The following CNTN4 variants were observed in gnomAD, a reference collection of about 807,000 sequenced individuals.
CNTN4 encodes the protein contactin-4.
CNTN4 carries 77 observed loss-of-function variants against 122.5 expected under a neutral mutation model. That is an observed-to-expected ratio of 0.63 (90% CI 0.52 to 0.76). The LOEUF is 0.76. Among genes scored for constraint, CNTN4 ranks in the 30% least tolerant of loss-of-function variants. CNTN4 has a pLI of 0.00. For synonymous variants in CNTN4, 512 were observed against 447.0 expected (o/e 1.15, Z -1.83); for missense variants, 1,256 against 1,259.1 (o/e 1.00, Z 0.04).
intron 2 of CNTN4, among the ~76,000 whole-genome samples, chr3:2,251,873 TC>T (rs1206109102): frequency 2.0e-5 from 3 of 151,944 alleles, no homozygotes; most frequent in African/African-American, 7.2e-5. Context: ...AAGGCTGTTT[TC>T]CCATTTCAAT....
At chr3:3,055,990 G>A in intron 24 of CNTN4, 130 bp from the exon 25 acceptor site, 1 of 651,922 alleles carries the variant, frequency 1.5e-6, no homozygotes, top group Admixed American at 2.6e-5. Flanking sequence ...ATATTTAAAA[G>A]CCATTAAGAC....
At chr3:2,230,945 G>A (rs2039462054) in intron 2 of CNTN4, among the ~76,000 whole-genome samples, 1 of 152,042 alleles carries the variant, frequency 6.6e-6, no homozygotes, top group South Asian at 2.1e-4. Context: ...CCATGATCAT[G>A]CCACTGCACT....
intron 2 of CNTN4, among the ~76,000 whole-genome samples, chr3:2,292,943 A>G (rs2042186612): frequency 1.3e-5 from 2 of 152,250 alleles, no homozygotes; most frequent in Non-Finnish European, 2.9e-5. Flanking sequence ...TAGGTTAAGT[A>G]TATGCACATA....
At chr3:2,300,990 T>A (rs2042495534) in intron 2 of CNTN4, among the ~76,000 whole-genome samples, 1 of 152,190 alleles carries the variant, frequency 6.6e-6, no homozygotes. Context: ...GACAGCTTAG[T>A]AAATGATCCT....
chr3:2,620,008 T>A (rs947238602), intron 4 of CNTN4, among the ~76,000 whole-genome samples: 2 of 3,182 alleles, frequency 6.3e-4, no homozygotes, highest in Admixed American at 4.5e-3. Flanking sequence ...TTCAAATATG[T>A]ACCCAAGTAG....
rs535347277 is a variant in CNTN4, at chr3:2,159,554, C to A, written c.-145+58915C>A. On this transcript the variant is annotated intron_variant, in intron 2 of 24. Coordinates refer to ENST00000418658, the MANE Select transcript of CNTN4 (RefSeq NM_175607.3). ...TTGAGACAGTTGCCATGAAAGGTATCTCATTTTCCTGCCCTGGAGATTTTA... is the reference window on the plus strand; with the variant it reads ...TTGAGACAGTTGCCATGAAAGGTATATCATTTTCCTGCCCTGGAGATTTTA... Among the ~76,000 whole-genome samples, 5 of 152,248 alleles carry A rather than the reference C, an allele frequency of 3.3e-5. No individual in the cohort carries two copies. In the South Asian group the frequency reaches 1.0e-3, roughly 32 times the overall value.
chr3:3,017,746 G>T (rs939213416), intron 14 of CNTN4, among the ~76,000 whole-genome samples: 3 of 152,268 alleles, frequency 2.0e-5, no homozygotes, highest in East Asian at 3.9e-4. Context: ...AGGGAGAAGT[G>T]GGTGCTCACG....
At chr3:2,710,483 T>C (rs2087074185) in intron 4 of CNTN4, among the ~76,000 whole-genome samples, 1 of 152,228 alleles carries the variant, frequency 6.6e-6, no homozygotes, top group Non-Finnish European at 1.5e-5. Context: ...TGTGTAGTTA[T>C]AACCTGGTCT....
At chr3:2,422,036 TGGA>T (rs2047637704) in intron 3 of CNTN4, among the ~76,000 whole-genome samples, 2 of 152,198 alleles carry the variant, frequency 1.3e-5, no homozygotes, top group African/African-American at 4.8e-5. Flanking sequence ...TTAGCTTTTA[TGGA>T]TAAGTTTATC....
intron 4 of CNTN4, among the ~76,000 whole-genome samples, chr3:2,647,002 G>A (rs1439781762): frequency 1.3e-5 from 2 of 152,172 alleles, no homozygotes; most frequent in African/African-American, 4.8e-5. Flanking sequence ...TGCCAAGGTT[G>A]AATTTCCCTT....
chr3:2,197,584 A>G (rs184856017), intron 2 of CNTN4, among the ~76,000 whole-genome samples: 11 of 152,320 alleles, frequency 7.2e-5, no homozygotes, highest in African/African-American at 1.9e-4. Context: ...ATGTTAAAAT[A>G]TCTCATCAAT....
intron 13 of CNTN4, among the ~76,000 whole-genome samples, chr3:2,933,974 A>G (rs1196360242): frequency 6.6e-6 from 1 of 152,076 alleles, no homozygotes; most frequent in Non-Finnish European, 1.5e-5. Flanking sequence ...TTTGAAGGAG[A>G]CTCAAAGAGG....
intron 2 of CNTN4, among the ~76,000 whole-genome samples, chr3:2,299,503 A>G (rs751994262): frequency 3.3e-5 from 5 of 152,126 alleles, no homozygotes; most frequent in Non-Finnish European, 5.9e-5. Context: ...AGTCCATTAT[A>G]TCACACTGTC....
At chr3:2,209,539 T>G (rs1044740179) in intron 2 of CNTN4, among the ~76,000 whole-genome samples, 3 of 152,070 alleles carry the variant, frequency 2.0e-5, no homozygotes, top group Non-Finnish European at 4.4e-5. Flanking sequence ...AAGGTCCCTG[T>G]TTTTTAAGCA....
At chr3:2,223,342 C>G (rs1007281083) in intron 2 of CNTN4, among the ~76,000 whole-genome samples, 1 of 152,164 alleles carries the variant, frequency 6.6e-6, no homozygotes, top group African/African-American at 2.4e-5. Flanking sequence ...TCCTAGGCAT[C>G]CCTCCATATA....
intron 3 of CNTN4, among the ~76,000 whole-genome samples, chr3:2,437,630 C>G (rs1479987125): frequency 6.6e-6 from 1 of 152,130 alleles, no homozygotes; most frequent in Non-Finnish European, 1.5e-5. Context: ...GATAGATATA[C>G]AAACTCACTC....
chr3:2,106,834 T>G (rs1169050977), intron 2 of CNTN4, among the ~76,000 whole-genome samples: 1 of 152,278 alleles, frequency 6.6e-6, no homozygotes, highest in Non-Finnish European at 1.5e-5. Context: ...CAAACCTTTT[T>G]GCTCTGCTTC....
At chr3:2,578,658 A>C (rs17016909) in intron 4 of CNTN4, among the ~76,000 whole-genome samples, 7,663 of 152,264 alleles carry the variant, frequency 0.05, 421 homozygotes, top group African/African-American at 0.15. Flanking sequence ...TCATTTAGTT[A>C]CTGCAAAGCA....
At chr3:2,903,129 T>C in intron 12 of CNTN4, 124 bp downstream of exon 12, 2 of 924,148 alleles carry the variant, frequency 2.2e-6, no homozygotes, top group Non-Finnish European at 3.3e-6. Context: ...AGGCCAAAGA[T>C]GCTACTCAAG....
Sources: gnomAD v4.1 joint callset for allele counts (sites outside exome capture counted in the v4.1 genomes callset) on GRCh38, gnomAD v4.1.1 for gene constraint, MANE v1.5 for transcripts, NCBI Gene and HGNC (gene_info 2026-07-23, HGNC 2026-07-21) for gene names.